NAA16: variants seen among roughly 807,000 people sequenced by gnomAD.
NAA16 encodes the protein N-alpha-acetyltransferase 16, NatA auxiliary subunit, also known as NARG1-like protein.
A neutral mutation model predicts 110.3 loss-of-function variants in NAA16; 97 were observed. That is an observed-to-expected ratio of 0.88 (90% CI 0.75 to 1.04). The LOEUF (loss-of-function observed/expected upper bound fraction) is 1.04. Among genes scored for constraint, NAA16 ranks in the 50% least tolerant of loss-of-function variants. The pLI, the probability that NAA16 is intolerant of heterozygous loss-of-function variation, is 0.00. For missense variants in NAA16, 1,017 were observed against 1,005.1 expected (o/e 1.01, Z -0.16); for synonymous variants, 372 against 330.6 (o/e 1.13, Z -1.36).
intron 6 of NAA16, 31 bp downstream of exon 6, chr13:41,325,882 C>T (rs1176114596): frequency 6.4e-7 from 1 of 1,553,384 alleles, no homozygotes; most frequent in Admixed American, 2.0e-5. Flanking sequence ...TTAATAGCCT[C>T]AAACAGAAAA....
intron 18 of NAA16, 33 bp from the exon 19 acceptor site, chr13:41,374,709 G>A: frequency 1.5e-6 from 2 of 1,358,464 alleles, no homozygotes; most frequent in Non-Finnish European, 2.1e-6. Flanking sequence ...AAGTATAGGT[G>A]TTTATTCATT....
chr13:41,338,393 CT>C (rs924526220), intron 9 of NAA16, among the ~76,000 whole-genome samples: 15 of 151,408 alleles, frequency 9.9e-5, no homozygotes, highest in African/African-American at 1.7e-4. Flanking sequence ...AAATGCTAAA[CT>C]TTTTTTTTGG....
intron 1 of NAA16, among the ~76,000 whole-genome samples, chr13:41,315,582 A>G (rs1219510330): frequency 1.3e-5 from 2 of 152,196 alleles, no homozygotes; most frequent in East Asian, 1.9e-4. Context: ...AATGACACCT[A>G]CATTAAAGAA....
At chr13:41,362,263 C>T in intron 13 of NAA16, 104 bp downstream of exon 13, 28 of 1,272,858 alleles carry the variant, frequency 2.2e-5, no homozygotes, top group Admixed American at 2.8e-5. Context: ...CTGGGAGCTT[C>T]ATTGTGAAAA....
intron 13 of NAA16, among the ~76,000 whole-genome samples, chr13:41,366,604 C>A (rs915724503): frequency 6.6e-6 from 1 of 152,046 alleles, no homozygotes; most frequent in African/African-American, 2.4e-5. Context: ...GCCATGGATC[C>A]ATTGAAAATT....
At chr13:41,362,676 C>A (rs2043136859) in intron 13 of NAA16, 1 of 1,286,682 alleles carries the variant, frequency 7.8e-7, no homozygotes, top group South Asian at 1.2e-5. Context: ...AGTGAGGGGA[C>A]TTTTCTTTTC....
intron 7 of NAA16, 52 bp from the exon 8 acceptor site, chr13:41,331,222 C>A: frequency 9.4e-7 from 1 of 1,059,462 alleles, no homozygotes; most frequent in East Asian, 2.5e-5. Flanking sequence ...AGCATTTTAC[C>A]ATAGATAAAA....
intron 9 of NAA16, among the ~76,000 whole-genome samples, chr13:41,351,775 T>C (rs1442026443): frequency 1.3e-4 from 2 of 15,702 alleles, no homozygotes; most frequent in Non-Finnish European, 2.0e-4. Flanking sequence ...GTAAGAAAAA[T>C]GTGGGGCCAT....
At chr13:41,312,775 A>G (rs1239902517) in intron 1 of NAA16, among the ~76,000 whole-genome samples, 1 of 152,196 alleles carries the variant, frequency 6.6e-6, no homozygotes, top group African/African-American at 2.4e-5. Context: ...ATTAGGATAC[A>G]TAGTAGATGG....
At chr13:41,317,210 A>G (rs950131166) in intron 2 of NAA16, among the ~76,000 whole-genome samples, 6 of 152,148 alleles carry the variant, frequency 3.9e-5, no homozygotes, top group African/African-American at 7.2e-5. Context: ...GATTTCCTTT[A>G]TTACTTTGAA....
chr13:41,337,659 T>C (rs141146093), intron 9 of NAA16, among the ~76,000 whole-genome samples: 1 of 149,462 alleles, frequency 6.7e-6, no homozygotes, highest in East Asian at 1.9e-4. Context: ...TTGCTTCTTA[T>C]TAAAGTCTAA....
At chr13:41,315,387 G>T (rs896382696) in intron 1 of NAA16, among the ~76,000 whole-genome samples, 1 of 152,184 alleles carries the variant, frequency 6.6e-6, no homozygotes, top group African/African-American at 2.4e-5. Context: ...ATCAGTGGCT[G>T]CCAGGGAGAG....
intron 9 of NAA16, among the ~76,000 whole-genome samples, chr13:41,353,477 T>C (rs1348266874): frequency 6.6e-6 from 1 of 151,772 alleles, no homozygotes; most frequent in Non-Finnish European, 1.5e-5. Flanking sequence ...AAAAACAGAC[T>C]GTACAGGCCA....
At chr13:41,351,417 A>AT (rs2042831791) in intron 9 of NAA16, among the ~76,000 whole-genome samples, 1 of 152,204 alleles carries the variant, frequency 6.6e-6, no homozygotes, top group Admixed American at 6.5e-5. Flanking sequence ...TCAGAACCTA[A>AT]TTCAGCAATT....
chr13:41,311,721 G>A (rs1420169513), intron 1 of NAA16, 139 bp downstream of exon 1: 5 of 768,486 alleles, frequency 6.5e-6, no homozygotes, highest in Non-Finnish European at 1.0e-5. Flanking sequence ...GGAGGTCGCG[G>A]GACCCCACTT....
intron 8 of NAA16, among the ~76,000 whole-genome samples, chr13:41,333,226 G>T (rs541290157): frequency 2.6e-5 from 4 of 152,054 alleles, no homozygotes; most frequent in Admixed American, 2.0e-4. Context: ...TTACATTTCT[G>T]TATTTCTTCC....
rs146227715 is a variant in NAA16, at chr13:41,330,893, TC to T, written c.812-380del. Among the ~76,000 whole-genome samples, 1,054 of 152,214 alleles carry T rather than the reference TC, an allele frequency of 6.9e-3. 16 individuals are homozygous for T. The highest frequency in any genetic ancestry group is 0.023 in the African/African-American group (974 of 41,568). ...GGGGATATATGTAGGTTTCTTTGATTCAGCGTGTTTACGTAGGTTATGTTAT... is the reference window on the plus strand; with the variant it reads ...GGGGATATATGTAGGTTTCTTTGATTAGCGTGTTTACGTAGGTTATGTTAT... On this transcript the variant is annotated intron_variant, in intron 7 of 19. Transcript: ENST00000379406.
chr13:41,338,643 A>G lies in NAA16; in HGVS notation c.1014+1887A>G, dbSNP rs568362556. Among the ~76,000 whole-genome samples, 37 of 152,314 alleles carry G rather than the reference A, an allele frequency of 2.4e-4. No individual in the cohort carries two copies. The South Asian group carries it at 6.4e-3, about 26-fold the overall frequency. On this transcript the variant is annotated intron_variant, in intron 9 of 19. Transcript: ENST00000379406. ...TTGCAAGTCTAAGAACTGTTTCTCAAATAATTTTGGCCACATGTATCTGTG... is the reference window on the plus strand; with the variant it reads ...TTGCAAGTCTAAGAACTGTTTCTCAGATAATTTTGGCCACATGTATCTGTG...
chr13:41,346,954 C>T (rs938176214), intron 9 of NAA16, among the ~76,000 whole-genome samples: 4 of 152,122 alleles, frequency 2.6e-5, no homozygotes, highest in African/African-American at 9.7e-5. Context: ...CGCGGTGGCT[C>T]ACGCCTGTAA....
Sources: allele counts gnomAD v4.1 joint callset (sites outside exome capture counted in the v4.1 genomes callset), GRCh38; gene constraint gnomAD v4.1.1; transcripts MANE v1.5; gene names NCBI Gene and HGNC (gene_info 2026-07-23, HGNC 2026-07-21).